The following MEMO1 variants were observed in gnomAD, a reference collection of about 807,000 sequenced individuals.
The protein encoded by MEMO1 is protein MEMO1.
In MEMO1, 6 loss-of-function variants were observed where a neutral mutation model predicts 45.2. That is an observed-to-expected ratio of 0.13 (90% CI 0.07 to 0.26). The LOEUF (loss-of-function observed/expected upper bound fraction) is 0.26. Among genes scored for constraint, MEMO1 ranks in the 10% least tolerant of loss-of-function variants. The probability of loss-of-function intolerance (pLI) is 1.00; values close to 1 mark genes in which losing one functional copy is unlikely to be tolerated. For synonymous variants in MEMO1, 78 were observed against 124.3 expected, an observed-to-expected ratio of 0.63 and a Z score of 2.48; for missense variants, 184 against 370.5, an observed-to-expected ratio of 0.50 and a Z score of 4.13.
intron 2 of MEMO1, among the ~76,000 whole-genome samples, chr2:31,961,249 T>A (rs1049438708): frequency 5.3e-5 from 8 of 151,926 alleles, no homozygotes; most frequent in African/African-American, 1.9e-4. Context: ...TCTCAGCTAC[T>A]CAGGAGGCTG....
chr2:31,923,677 G>A, intron 4 of MEMO1: 2 of 1,546,066 alleles, frequency 1.3e-6, no homozygotes, highest in Non-Finnish European at 8.7e-7. Context: ...TTCTGATTGA[G>A]GAAAATATGA....
chr2:31,964,411 A>AGTAGGCCGGGTGCGGTGGCTCAC (rs1256696324), intron 2 of MEMO1, among the ~76,000 whole-genome samples: 3 of 152,182 alleles, frequency 2.0e-5, no homozygotes, highest in African/African-American at 7.2e-5. Flanking sequence ...AAAATCACCG[A>AGTAGGCCGGGTGCGGTGGCTCAC]GTAGGCCGGG....
intron 6 of MEMO1, among the ~76,000 whole-genome samples, chr2:31,906,932 T>A (rs160799): frequency 0.91 from 138,304 of 151,888 alleles, 63,083 homozygotes; most frequent in East Asian, 1. Context: ...TATAAAAAAA[T>A]TTTTTTCTAA....
At chr2:31,877,693 A>C (rs956179035) in intron 8 of MEMO1, among the ~76,000 whole-genome samples, 2 of 152,182 alleles carry the variant, frequency 1.3e-5, no homozygotes, top group African/African-American at 2.4e-5. Context: ...TACGTGTGTA[A>C]GTGTGTATTT....
At chr2:31,972,381 T>TAAAG (rs1244049982) in intron 2 of MEMO1, among the ~76,000 whole-genome samples, 5 of 152,164 alleles carry the variant, frequency 3.3e-5, no homozygotes, top group African/African-American at 1.2e-4. Flanking sequence ...GCCAATTTAA[T>TAAAG]AAAGACATTA....
intron 7 of MEMO1, among the ~76,000 whole-genome samples, chr2:31,889,144 A>G (rs1183324577): frequency 1.3e-5 from 2 of 152,098 alleles, no homozygotes; most frequent in Non-Finnish European, 2.9e-5. Context: ...CACAATATAG[A>G]GAGAACCAAT....
At chr2:31,901,144 G>T (rs1678725939) in intron 6 of MEMO1, among the ~76,000 whole-genome samples, 2 of 152,118 alleles carry the variant, frequency 1.3e-5, no homozygotes, top group Non-Finnish European at 2.9e-5. Flanking sequence ...AGCCAAGATG[G>T]GCAGATCACT....
At position 31,918,037 on chromosome 2, in the gene MEMO1, A is replaced by G; in HGVS notation, c.326T>C (p.Ile109Thr). The G allele has an allele frequency of 6.2e-7, 1 of 1,600,648 alleles. No homozygotes were observed. Among genetic ancestry groups the G allele is most frequent in the Non-Finnish European group, 8.5e-7 (1 of 1,171,512 alleles). Residue 109 changes from isoleucine to threonine, a missense_variant and splice_region_variant, in exon 6 of 10, where the codon ATT becomes ACT. Transcript: ENST00000404530. ...TCCTGTCTTCCACAGTTCTCCGTAA[A>G]CTAAAGAGATTTCAAAATACAGTAA... Reference protein sequence around the residue: ...PLYDLRIDQKIYGELWKTGMF... With the variant: ...PLYDLRIDQKTYGELWKTGMF...
At chr2:31,901,230 G>C (rs1049119307) in intron 6 of MEMO1, among the ~76,000 whole-genome samples, 1 of 151,456 alleles carries the variant, frequency 6.6e-6, no homozygotes, top group Non-Finnish European at 1.5e-5. Context: ...AAAATTAGCC[G>C]GGTGTGGTGG....
intron 2 of MEMO1, among the ~76,000 whole-genome samples, chr2:32,000,965 A>G (rs1409934647): frequency 5.9e-5 from 9 of 151,716 alleles, no homozygotes; most frequent in Non-Finnish European, 1.3e-4. Flanking sequence ...CATAGCAGAA[A>G]TTGATTCGTT....
chr2:31,983,889 T>C (rs916862307), intron 2 of MEMO1, among the ~76,000 whole-genome samples: 2 of 152,190 alleles, frequency 1.3e-5, no homozygotes, highest in Admixed American at 6.5e-5. Flanking sequence ...GAATGGAACA[T>C]GCCAAAAGGA....
intron 8 of MEMO1, among the ~76,000 whole-genome samples, chr2:31,883,083 C>T (rs933380739): frequency 6.6e-6 from 1 of 152,102 alleles, no homozygotes; most frequent in Non-Finnish European, 1.5e-5. Context: ...TACTGCTTAA[C>T]AGTAAATAAT....
chr2:31,879,693 GAT>G lies in MEMO1; in HGVS notation c.657+3691_657+3692del, dbSNP rs564741354. On this transcript the variant is annotated intron_variant, in intron 8 of 9. Transcript: ENST00000404530. ...TAATATAATCAAGATAGATTTCTGA[GAT>G]ATTTTTGTTCTTTTCATACTACATG... Among the ~76,000 whole-genome samples the G allele has an allele frequency of 2.7e-3, 409 of 152,218 alleles. 6 individuals carry two copies. The highest frequency in any genetic ancestry group is 0.019 in the Admixed American group (285 of 15,286).
At chr2:31,921,689 C>T (rs554091447) in intron 4 of MEMO1, among the ~76,000 whole-genome samples, 4 of 152,222 alleles carry the variant, frequency 2.6e-5, no homozygotes, top group African/African-American at 9.6e-5. Context: ...TTCTAAATAT[C>T]TATACAAAAT....
intron 2 of MEMO1, among the ~76,000 whole-genome samples, chr2:31,989,146 C>T (rs928769353): frequency 2.6e-5 from 4 of 151,348 alleles, no homozygotes; most frequent in Non-Finnish European, 4.4e-5. Context: ...GCAGAGGTTG[C>T]GGTGAGCCGA....
intron 2 of MEMO1, among the ~76,000 whole-genome samples, chr2:32,005,755 T>C (rs1673987679): frequency 6.6e-6 from 1 of 152,234 alleles, no homozygotes; most frequent in Non-Finnish European, 1.5e-5. Context: ...GCCTACTATA[T>C]GCCAAGCACT....
intron 2 of MEMO1, among the ~76,000 whole-genome samples, chr2:31,969,586 G>GGTGTGTGTGT (rs367639470): frequency 9.2e-4 from 110 of 119,252 alleles, no homozygotes; most frequent in Middle Eastern, 4.6e-3. Flanking sequence ...TGTGTGTGTG[G>GGTGTGTGTGT]GTGTGTGTGT....
At chr2:31,990,501 G>A (rs986830884) in intron 2 of MEMO1, among the ~76,000 whole-genome samples, 7 of 151,328 alleles carry the variant, frequency 4.6e-5, no homozygotes, top group African/African-American at 1.2e-4. Flanking sequence ...ACCCAGGCTC[G>A]AGTGCAGTGG....
chr2:31,874,768 A>G (rs1486915144), intron 8 of MEMO1, among the ~76,000 whole-genome samples: 1 of 151,978 alleles, frequency 6.6e-6, no homozygotes, highest in South Asian at 2.1e-4. Context: ...AAAAGATCAC[A>G]TATGAAAACT....
Sources: gnomAD v4.1 joint callset for allele counts (sites outside exome capture counted in the v4.1 genomes callset) on GRCh38, gnomAD v4.1.1 for gene constraint, MANE v1.5 for transcripts, NCBI Gene and HGNC (gene_info 2026-07-23, HGNC 2026-07-21) for gene names.